The following FMO3 variants were observed in gnomAD, a reference collection of about 807,000 sequenced individuals.
The protein encoded by FMO3 is flavin containing dimethylaniline monoxygenase 3, also known as flavin-containing monooxygenase 3.
FMO3 carries 40 observed loss-of-function variants against 39.4 expected under a neutral mutation model. The ratio of observed to expected loss-of-function variants is 1.02; its 90% confidence interval spans 0.79 to 1.32. The LOEUF (loss-of-function observed/expected upper bound fraction) is 1.32. Among genes scored for constraint, FMO3 ranks in the 40% most tolerant of loss-of-function variants. FMO3 has a pLI of 0.00. For missense variants in FMO3, 680 were observed against 651.8 expected, an observed-to-expected ratio of 1.04 and a Z score of -0.47; for synonymous variants, 219 against 228.8, an observed-to-expected ratio of 0.96 and a Z score of 0.39.
rs1157839808 is a variant in FMO3, at chr1:171,096,980, C to T, written c.132+4190C>T. On this transcript the variant is annotated intron_variant, in intron 2 of 8. Coordinates refer to ENST00000367755, the MANE Select transcript of FMO3 (RefSeq NM_001002294.3). Reference sequence around the variant, plus strand: ...AACAGGCCCCAGTGTGTGATATTCCCCTTCCTGTGTCCAAGTGTTCTCATT... The same window carrying T: ...AACAGGCCCCAGTGTGTGATATTCCTCTTCCTGTGTCCAAGTGTTCTCATT... Among the ~76,000 whole-genome samples the T allele has an allele frequency of 3.3e-5, 5 of 150,916 alleles. 1 individual carries two copies. Among genetic ancestry groups the T allele is most frequent in the African/African-American group, 9.7e-5 (4 of 41,114 alleles).
chr1:171,100,850 C>A, intron 2 of FMO3: 1 of 272,098 alleles, frequency 3.7e-6, no homozygotes, highest in Non-Finnish European at 7.4e-6. Context: ...TAAATGTTAT[C>A]TTACTTACAA....
At chr1:171,110,187 G>A (rs187408376) in intron 5 of FMO3, among the ~76,000 whole-genome samples, 7 of 152,292 alleles carry the variant, frequency 4.6e-5, no homozygotes, top group Middle Eastern at 3.4e-3. Flanking sequence ...GCGTTTGAGC[G>A]TATGGTTTTC....
chr1:171,096,914 A>G (rs1463630195), intron 2 of FMO3, among the ~76,000 whole-genome samples: 2 of 151,476 alleles, frequency 1.3e-5, no homozygotes, highest in South Asian at 4.2e-4. Context: ...AGCATTAGGT[A>G]TATCTCCTAA....
chr1:171,110,830 G>A lies in FMO3; in HGVS notation c.660G>A (p.Val220=), dbSNP rs373775407. ...VMISSRSGSW[V]MSRVWDNGYP... ...TCAGTTCCAGAAGTGGCTCCTGGGT[G>A]ATGAGCCGGGTCTGGGACAATGGTT... The change falls in exon 6 of 9, where the codon GTG becomes GTA. Residue 220 remains valine, a synonymous_variant. Coordinates refer to ENST00000367755, the MANE Select transcript of FMO3 (RefSeq NM_001002294.3). 147 of 1,613,874 alleles carry A rather than the reference G, an allele frequency of 9.1e-5. No individual in the cohort carries two copies. Among genetic ancestry groups the A allele is most frequent in the Non-Finnish European group, 1.2e-4 (142 of 1,179,932 alleles).
At chr1:171,102,326 A>G (rs906941622) in intron 2 of FMO3, among the ~76,000 whole-genome samples, 3 of 152,226 alleles carry the variant, frequency 2.0e-5, no homozygotes, top group African/African-American at 7.2e-5. Context: ...CTACACATAG[A>G]GATCTACAAT....
rs752992070 is a variant in FMO3, at chr1:171,117,244, T to C, written c.1401T>C (p.Ser467=). 2.5e-6 allele frequency: 4 copies of C among 1,614,158 alleles called. No homozygotes were observed. In the South Asian group the frequency reaches 4.4e-5, roughly 18 times the overall value. The change falls in exon 9 of 9, where the codon AGT becomes AGC. Residue 467 remains serine (S), a synonymous_variant. Transcript: ENST00000367755. ...TGGAAGTTTATTTTGGCCCTTGTAGTCCCTACCAGTTTAGGCTGGTGGGCC... is the reference window on the plus strand; with the variant it reads ...TGGAAGTTTATTTTGGCCCTTGTAGCCCCTACCAGTTTAGGCTGGTGGGCC... ...LAMEVYFGPC[S]PYQFRLVGPG...
chr1:171,111,716 C>G (rs546138881), intron 6 of FMO3, among the ~76,000 whole-genome samples: 2 of 152,140 alleles, frequency 1.3e-5, no homozygotes, highest in South Asian at 4.1e-4. Context: ...ACCCAAGTTA[C>G]GAGCTGTTTT....
chr1:171,111,041 A>G (rs747729905), intron 6 of FMO3, 44 bp downstream of exon 6: 5 of 1,496,258 alleles, frequency 3.3e-6, no homozygotes, highest in Middle Eastern at 4.4e-4. Flanking sequence ...CTTTTAGTTC[A>G]GTGTCAACAA....
At chr1:171,098,133 C>A (rs1309437841) in intron 2 of FMO3, among the ~76,000 whole-genome samples, 2 of 152,158 alleles carry the variant, frequency 1.3e-5, no homozygotes, top group Admixed American at 1.3e-4. Flanking sequence ...GGGCTCTGTT[C>A]TGTTCCACTG....
intron 1 of FMO3, among the ~76,000 whole-genome samples, chr1:171,091,892 CGT>C (rs10594148): frequency 0.16 from 24,257 of 147,196 alleles, 2,824 homozygotes; most frequent in East Asian, 0.37. Context: ...ATACAGATTG[CGT>C]GTGTGTGTGT....
At chr1:171,103,710 A>T in intron 2 of FMO3, 75 bp from the exon 3 acceptor site, 1 of 1,246,284 alleles carries the variant, frequency 8.0e-7, no homozygotes, top group Non-Finnish European at 1.2e-6. Flanking sequence ...GACTGTAATT[A>T]CTTGGAACCA....
intron 2 of FMO3, chr1:171,101,752 G>A (rs771267734): frequency 1.5e-5 from 8 of 517,558 alleles, no homozygotes; most frequent in Middle Eastern, 3.2e-4. Context: ...CCAGATCTGC[G>A]GCCTAATCAC....
At chr1:171,096,357 A>G (rs1356221098) in intron 2 of FMO3, among the ~76,000 whole-genome samples, 4 of 89,360 alleles carry the variant, frequency 4.5e-5, no homozygotes, top group Admixed American at 1.9e-4. Flanking sequence ...ATAAATATAT[A>G]AAAATATATA....
chr1:171,105,087 A>G (rs764280890), intron 3 of FMO3, among the ~76,000 whole-genome samples: 37 of 152,060 alleles, frequency 2.4e-4, no homozygotes, highest in Non-Finnish European at 4.7e-4. Flanking sequence ...ATCAAAACTC[A>G]CTCAATAATA....
In FMO3 at chr1:171,099,226, C is replaced by T. The variant is rs562117311; in HGVS notation, c.133-4559C>T. ...AGCGGTTTTGAATGAGTTTCTTAATCCTGAGTTCTAGTTTGATTGCACTGT... is the reference window on the plus strand; with the variant it reads ...AGCGGTTTTGAATGAGTTTCTTAATTCTGAGTTCTAGTTTGATTGCACTGT... On this transcript the variant is annotated intron_variant, in intron 2 of 8. Transcript: ENST00000367755. Among the ~76,000 whole-genome samples the T allele has an allele frequency of 5.5e-4, 83 of 152,266 alleles. 1 individual carries two copies. Among genetic ancestry groups the T allele is most frequent in the Admixed American group, 4.6e-3 (71 of 15,286 alleles).
At chr1:171,111,046 C>A in intron 6 of FMO3, 49 bp downstream of exon 6, 1 of 1,455,422 alleles carries the variant, frequency 6.9e-7, no homozygotes, top group South Asian at 1.1e-5. Context: ...AGTTCAGTGT[C>A]AACAACCCTT....
chr1:171,094,419 T>C (rs561606683), intron 2 of FMO3, among the ~76,000 whole-genome samples: 158 of 152,276 alleles, frequency 1.0e-3, no homozygotes, highest in African/African-American at 2.6e-3. Context: ...GAAGGTAGTC[T>C]GTTCACTCTG....
In FMO3 at chr1:171,117,683, AT is replaced by A. The variant is rs1656225329; in HGVS notation, c.*242del. 1 of 415,354 alleles carries A rather than the reference AT, an allele frequency of 2.4e-6. No individual in the cohort carries two copies. Among genetic ancestry groups the A allele is most frequent in the African/African-American group, 2.0e-5 (1 of 49,586 alleles). 25.7% of individuals were successfully genotyped at this position (415,354 alleles called of 1,614,324 possible). A position where few individuals can be genotyped will look rare whatever the true frequency, so the allele number is the denominator to read the frequency against. ...GTTTGAGTTCCACTAACACTTCAAA[AT>A]CAGAACTATGTTCTTTATATCTAAC... On this transcript the variant is annotated 3_prime_UTR_variant, in exon 9 of 9. Coordinates refer to ENST00000367755, the MANE Select transcript of FMO3 (RefSeq NM_001002294.3).
At position 171,097,475 on chromosome 1, in the gene FMO3, C is replaced by T. The variant is rs61814297; in HGVS notation, c.132+4685C>T. On this transcript the variant is annotated intron_variant, in intron 2 of 8. Coordinates refer to ENST00000367755, the MANE Select transcript of FMO3 (RefSeq NM_001002294.3). Reference sequence around the variant, plus strand: ...CTGTTGTTTCCTGACTTTTTAATGACTGCCATTCTAACTGGTGTGAGATGA... The same window carrying T: ...CTGTTGTTTCCTGACTTTTTAATGATTGCCATTCTAACTGGTGTGAGATGA... 4.3e-4 allele frequency among the ~76,000 whole-genome samples: 51 copies of T among 119,418 alleles called. 1 individual carries two copies. The highest frequency in any genetic ancestry group is 1.4e-3 in the African/African-American group (36 of 26,492). 78.3% of individuals were successfully genotyped at this position (119,418 alleles called of 152,430 possible).
Sources: gnomAD v4.1 joint callset for allele counts (sites outside exome capture counted in the v4.1 genomes callset) on GRCh38, gnomAD v4.1.1 for gene constraint, MANE v1.5 for transcripts, NCBI Gene and HGNC (gene_info 2026-07-23, HGNC 2026-07-21) for gene names.